The following NEBL variants were observed in gnomAD, a reference collection of about 807,000 sequenced individuals.
NEBL encodes LIM and SH3 protein 2.
NEBL carries 122 observed loss-of-function variants against 140.2 expected under a neutral mutation model. The observed-to-expected ratio is 0.87, with a 90% CI of 0.75 to 1.01. The LOEUF is 1.01. Among genes scored for constraint, NEBL ranks in the 50% least tolerant of loss-of-function variants. NEBL has a pLI of 0.00. For synonymous variants in NEBL, 436 were observed against 398.9 expected, an observed-to-expected ratio of 1.09 and a Z score of -1.11; for missense variants, 1,365 against 1,231.3, an observed-to-expected ratio of 1.11 and a Z score of -1.62.
chr10:21,245,436 T>A (rs1399214407), intron 3 of NEBL, among the ~76,000 whole-genome samples: 1 of 152,262 alleles, frequency 6.6e-6, no homozygotes, highest in Non-Finnish European at 1.5e-5. Flanking sequence ...AATTAACTAT[T>A]TAACTATAAG....
chr10:21,253,398 G>A (rs12269257), intron 1 of NEBL, among the ~76,000 whole-genome samples: 14,087 of 152,106 alleles, frequency 0.093, 935 homozygotes, highest in African/African-American at 0.18. Flanking sequence ...AGATAATCTG[G>A]ACGCTCCTGA....
intron 14 of NEBL, among the ~76,000 whole-genome samples, chr10:20,832,590 T>C (rs1840520776): frequency 6.6e-6 from 1 of 151,594 alleles, no homozygotes; most frequent in Non-Finnish European, 1.5e-5. Flanking sequence ...ATGTATATTA[T>C]TCTTCAAAGA....
At chr10:20,848,914 C>T (rs1351495223) in intron 11 of NEBL, among the ~76,000 whole-genome samples, 1 of 152,036 alleles carries the variant, frequency 6.6e-6, no homozygotes, top group Non-Finnish European at 1.5e-5. Context: ...TGCCTTTTTC[C>T]CAAGAATATG....
intron 1 of NEBL, among the ~76,000 whole-genome samples, chr10:21,256,539 A>G (rs896278803): frequency 6.6e-6 from 1 of 152,216 alleles, no homozygotes; most frequent in Admixed American, 6.5e-5. Flanking sequence ...TATTAAAAAC[A>G]AAGATAACAG....
chr10:20,904,893 A>G (rs1005412003), intron 4 of NEBL, among the ~76,000 whole-genome samples: 1 of 152,202 alleles, frequency 6.6e-6, no homozygotes, highest in Non-Finnish European at 1.5e-5. Context: ...CAATTCTTTA[A>G]CCCATTCAGA....
intron 2 of NEBL, among the ~76,000 whole-genome samples, chr10:21,068,843 C>T (rs1835683003): frequency 6.6e-6 from 1 of 152,132 alleles, no homozygotes; most frequent in Non-Finnish European, 1.5e-5. Flanking sequence ...AGTATTCCTC[C>T]GATGCTTATT....
rs1472427251 is a variant in NEBL at position 21,125,689 on chromosome 10, T to G, written c.164+46694A>C. 5 of 593,732 alleles carry G rather than the reference T, an allele frequency of 8.4e-6. No homozygotes were observed. The Admixed American group carries it at 1.3e-4, about 16-fold the overall frequency. The allele number at this position is 593,732 out of a possible 1,614,324, so 36.8% of individuals were successfully genotyped here. On this transcript the variant is annotated intron_variant, in intron 2 of 6. Coordinates refer to the NEBL transcript ENST00000417816. ...GCCAAAATGAGAAATAAAAGCACAC[T>G]CCTTCCTCCCTGCACCCTACAGAGC... is the stretch of plus-strand genomic sequence containing the variant.
chr10:20,859,850 A>T (rs760601594), intron 7 of NEBL, 24 bp from the exon 8 acceptor site: 2 of 1,102,136 alleles, frequency 1.8e-6, no homozygotes, highest in African/African-American at 1.6e-5. Context: ...GAAATAGTAC[A>T]TGTAACTTTA....
At chr10:21,100,490 G>C (rs772552803) in intron 2 of NEBL, among the ~76,000 whole-genome samples, 5 of 152,202 alleles carry the variant, frequency 3.3e-5, no homozygotes, top group Non-Finnish European at 5.9e-5. Flanking sequence ...AGAGTGCAAA[G>C]CATGGCTCTG....
chr10:21,036,773 TC>T (rs1224230375), intron 2 of NEBL, among the ~76,000 whole-genome samples: 1 of 152,026 alleles, frequency 6.6e-6, no homozygotes, highest in African/African-American at 2.4e-5. Context: ...AAGTGAACCA[TC>T]CGCCTGAGCA....
intron 3 of NEBL, among the ~76,000 whole-genome samples, chr10:21,227,227 G>T (rs1842164058): frequency 6.6e-6 from 1 of 152,010 alleles, no homozygotes; most frequent in Admixed American, 6.6e-5. Context: ...CCAGGATAGA[G>T]GGTTCCTTTT....
intron 2 of NEBL, among the ~76,000 whole-genome samples, chr10:21,144,930 C>A (rs1839822135): frequency 7.0e-6 from 1 of 142,362 alleles, no homozygotes; most frequent in African/African-American, 2.6e-5. Flanking sequence ...TAAACATGTT[C>A]AAGTATATAA....
chr10:20,920,935 C>T (rs915742673), intron 4 of NEBL, among the ~76,000 whole-genome samples: 3 of 152,066 alleles, frequency 2.0e-5, no homozygotes, highest in Admixed American at 6.5e-5. Context: ...TTATTTCTAG[C>T]CAGCTTGCTA....
At position 20,914,969 on chromosome 10, in the gene NEBL, A is replaced by ATTTTTTTTTTTTTT. The variant is rs71390798; in HGVS notation, c.357+46689_357+46702dup. Among the ~76,000 whole-genome samples the ATTTTTTTTTTTTTT allele has an allele frequency of 7.0e-3, 775 of 111,036 alleles. 38 individuals are homozygous for ATTTTTTTTTTTTTT. The highest frequency in any genetic ancestry group is 9.4e-3 in the Non-Finnish European group (519 of 55,402). 72.8% of individuals were successfully genotyped at this position (111,036 alleles called of 152,430 possible). A position where few individuals can be genotyped will look rare whatever the true frequency, so the allele number is the denominator to read the frequency against. Reference sequence around the variant, plus strand: ...TACCTCTGCCTCCCAAGTGGCTGGGATTTTTTTTTTTTTTGGAGAGATGGG... The same window carrying ATTTTTTTTTTTTTT: ...TACCTCTGCCTCCCAAGTGGCTGGGATTTTTTTTTTTTTTTTTTTTTTTTTTTTGGAGAGATGGG... On this transcript the variant is annotated intron_variant, in intron 4 of 6. Transcript: ENST00000417816.
chr10:21,155,431 C>G (rs1840302787), intron 2 of NEBL, among the ~76,000 whole-genome samples: 1 of 152,122 alleles, frequency 6.6e-6, no homozygotes, highest in Admixed American at 6.5e-5. Flanking sequence ...CACCACCCTC[C>G]CACTAACCTT....
chr10:21,275,125 G>C (rs2132292603), intron 1 of NEBL, among the ~76,000 whole-genome samples: 1 of 152,284 alleles, frequency 6.6e-6, no homozygotes, highest in Middle Eastern at 3.4e-3. Flanking sequence ...CTTCAGATGA[G>C]ATGCCCACCC....
At chr10:21,275,861 T>C (rs1350965148) in intron 1 of NEBL, among the ~76,000 whole-genome samples, 1 of 148,746 alleles carries the variant, frequency 6.7e-6, no homozygotes, top group Non-Finnish European at 1.5e-5. Context: ...TTTCTCCATA[T>C]TGGTCAGGCT....
At chr10:20,944,854 A>G (rs1835078309) in intron 4 of NEBL, among the ~76,000 whole-genome samples, 1 of 152,210 alleles carries the variant, frequency 6.6e-6, no homozygotes, top group South Asian at 2.1e-4. Context: ...GCAGACATGT[A>G]CAAATCCTAG....
intron 4 of NEBL, among the ~76,000 whole-genome samples, chr10:20,944,541 T>C (rs1835062228): frequency 6.6e-6 from 1 of 152,266 alleles, no homozygotes. Context: ...TTTCTCTCTA[T>C]ATTTGTATGA....
Sources: gnomAD v4.1 joint callset for allele counts (sites outside exome capture counted in the v4.1 genomes callset) on GRCh38, gnomAD v4.1.1 for gene constraint, MANE v1.5 for transcripts, NCBI Gene and HGNC (gene_info 2026-07-23, HGNC 2026-07-21) for gene names.